The following CCDC178 variants were observed in gnomAD, a reference collection of about 807,000 sequenced individuals.
The protein encoded by CCDC178 is coiled-coil domain-containing protein 178.
CCDC178 carries 126 observed loss-of-function variants against 117.4 expected under a neutral mutation model. The ratio of observed to expected loss-of-function variants is 1.07; its 90% CI spans 0.93 to 1.24. The LOEUF (loss-of-function observed/expected upper bound fraction) is 1.24, where lower values mean the gene tolerates loss of function less well. Among genes scored for constraint, CCDC178 ranks in the 50% most tolerant of loss-of-function variants. The pLI is 0.00. For synonymous variants in CCDC178, 283 were observed against 313.4 expected (o/e 0.90, Z 1.02); for missense variants, 1,030 against 986.9 (o/e 1.04, Z -0.59).
chr18:33,121,889 A>C (rs271569), intron 20 of CCDC178, among the ~76,000 whole-genome samples: 24,231 of 152,048 alleles, frequency 0.16, 2,674 homozygotes, highest in African/African-American at 0.32. Context: ...TTTTACTGCA[A>C]CTTTACTATT....
intron 10 of CCDC178, among the ~76,000 whole-genome samples, chr18:33,332,524 T>C (rs1264924741): frequency 6.6e-6 from 1 of 152,110 alleles, no homozygotes; most frequent in African/African-American, 2.4e-5. Flanking sequence ...TTGCTCAGTA[T>C]GATTATGGCT....
intron 12 of CCDC178, among the ~76,000 whole-genome samples, chr18:33,292,644 A>G (rs954339268): frequency 5.3e-5 from 8 of 152,066 alleles, no homozygotes; most frequent in Non-Finnish European, 1.0e-4. Flanking sequence ...ATCATTACAC[A>G]TTGTATACAG....
Position 33,397,130 on chromosome 18 carries a change from T to C in CCDC178, c.118+19A>G, listed in dbSNP as rs199965060. 17 of 1,491,348 alleles carry C rather than the reference T, an allele frequency of 1.1e-5. No homozygotes were observed. Among genetic ancestry groups the C allele is most frequent in the Non-Finnish European group, 1.6e-5 (17 of 1,083,312 alleles). The allele number at this position is 1,491,348 out of a possible 1,614,324, so 92.4% of individuals were successfully genotyped here. On this transcript the variant is annotated intron_variant, in intron 4 of 22. Coordinates refer to ENST00000383096, the MANE Select transcript of CCDC178 (RefSeq NM_001105528.4). ...ACAGAAAAAAGAGATGAAAATTATATATAATAGCTGTTGGATACCTTCATT... is the reference window on the plus strand; with the variant it reads ...ACAGAAAAAAGAGATGAAAATTATACATAATAGCTGTTGGATACCTTCATT...
At chr18:33,160,621 G>T (rs2144379170) in intron 20 of CCDC178, among the ~76,000 whole-genome samples, 1 of 152,130 alleles carries the variant, frequency 6.6e-6, no homozygotes, top group African/African-American at 2.4e-5. Flanking sequence ...AGGGTGCTTT[G>T]GTTCTGGGCT....
chr18:33,276,581 A>G (rs2059952814), intron 12 of CCDC178, among the ~76,000 whole-genome samples: 2 of 152,144 alleles, frequency 1.3e-5, no homozygotes. Context: ...CTGGAAGCCA[A>G]AAGAAAAAGG....
intron 20 of CCDC178, among the ~76,000 whole-genome samples, chr18:33,164,299 T>C (rs1159288679): frequency 2.0e-5 from 3 of 151,640 alleles, no homozygotes; most frequent in East Asian, 1.9e-4. Flanking sequence ...GAGTTTCTCC[T>C]TGTTGGTCAG....
At chr18:33,310,581 G>A (rs2043796406) in intron 11 of CCDC178, among the ~76,000 whole-genome samples, 1 of 151,972 alleles carries the variant, frequency 6.6e-6, no homozygotes. Flanking sequence ...AGCTATTCAA[G>A]GGGCTAGGGA....
At chr18:33,136,491 T>C (rs2144276145) in intron 20 of CCDC178, among the ~76,000 whole-genome samples, 1 of 152,240 alleles carries the variant, frequency 6.6e-6, no homozygotes, top group African/African-American at 2.4e-5. Flanking sequence ...TTATTTGGCC[T>C]AAGTACAAAG....
intron 20 of CCDC178, among the ~76,000 whole-genome samples, chr18:33,147,302 G>T (rs562275684): frequency 6.6e-6 from 1 of 150,622 alleles, no homozygotes; most frequent in South Asian, 2.1e-4. Flanking sequence ...CCATGTCCTC[G>T]GGTGGCAGAG....
intron 11 of CCDC178, among the ~76,000 whole-genome samples, chr18:33,312,786 C>T (rs1382070607): frequency 2.0e-5 from 3 of 152,210 alleles, no homozygotes; most frequent in Admixed American, 6.5e-5. Context: ...TCTCCAGTTA[C>T]AGGTAATGCT....
chr18:33,089,049 T>A (rs986244602), intron 21 of CCDC178, among the ~76,000 whole-genome samples: 5 of 152,092 alleles, frequency 3.3e-5, no homozygotes, highest in African/African-American at 1.2e-4. Context: ...AAAATCCCTA[T>A]GAAAATTAAA....
chr18:33,192,166 C>T (rs2058867056), intron 20 of CCDC178, among the ~76,000 whole-genome samples: 2 of 152,182 alleles, frequency 1.3e-5, no homozygotes, highest in South Asian at 2.1e-4. Flanking sequence ...GGCCATTGTA[C>T]TTATGTCACC....
At chr18:33,195,613 C>T (rs1417544960) in intron 20 of CCDC178, among the ~76,000 whole-genome samples, 2 of 152,074 alleles carry the variant, frequency 1.3e-5, no homozygotes, top group Admixed American at 6.6e-5. Flanking sequence ...GATATTTTTT[C>T]CTCAAGTCAT....
intron 21 of CCDC178, among the ~76,000 whole-genome samples, chr18:33,036,456 C>T (rs2056446770): frequency 6.6e-6 from 1 of 151,724 alleles, no homozygotes; most frequent in African/African-American, 2.4e-5. Context: ...GTAAGAACAC[C>T]AAACTCCATG....
At chr18:33,421,600 A>G (rs1289807215) in intron 2 of CCDC178, among the ~76,000 whole-genome samples, 1 of 152,198 alleles carries the variant, frequency 6.6e-6, no homozygotes, top group Non-Finnish European at 1.5e-5. Context: ...ATTTATGAGT[A>G]CACCACGACC....
chr18:33,259,789 G>A (rs2144741907), intron 14 of CCDC178, among the ~76,000 whole-genome samples: 1 of 152,186 alleles, frequency 6.6e-6, no homozygotes, highest in Non-Finnish European at 1.5e-5. Flanking sequence ...CTCATTGAAG[G>A]CAGGAAGTTT....
intron 14 of CCDC178, 105 bp from the exon 15 acceptor site, chr18:33,245,533 C>T (rs2059540086): frequency 1.7e-6 from 2 of 1,168,020 alleles, no homozygotes; most frequent in East Asian, 3.0e-5. Context: ...GTCAAAAATA[C>T]AAAATTGCTG....
intron 18 of CCDC178, among the ~76,000 whole-genome samples, chr18:33,217,261 C>G (rs1054949691): frequency 6.6e-6 from 1 of 151,922 alleles, no homozygotes; most frequent in Non-Finnish European, 1.5e-5. Context: ...AGTATCTTGA[C>G]TGATTCTTGG....
intron 5 of CCDC178, among the ~76,000 whole-genome samples, chr18:33,372,174 T>G (rs1044953099): frequency 6.6e-6 from 1 of 152,110 alleles, no homozygotes; most frequent in Non-Finnish European, 1.5e-5. Flanking sequence ...CACTAAAATC[T>G]GTAAAAGACA....
Sources: gnomAD v4.1 joint callset for allele counts (sites outside exome capture counted in the v4.1 genomes callset) on GRCh38, gnomAD v4.1.1 for gene constraint, MANE v1.5 for transcripts, NCBI Gene and HGNC (gene_info 2026-07-23, HGNC 2026-07-21) for gene names.